CALN1: variants seen among roughly 807,000 people sequenced by gnomAD.
CALN1 encodes the protein calcium-binding protein 8.
CALN1 carries 17 observed loss-of-function variants against 30.6 expected under a neutral mutation model. That is an observed-to-expected ratio of 0.56 (90% CI 0.38 to 0.83). The LOEUF (loss-of-function observed/expected upper bound fraction) is 0.83. CALN1 is among the 40% of genes least tolerant of loss of function. The pLI is 0.00. For synonymous variants in CALN1, 156 were observed against 131.4 expected (o/e 1.19, Z -1.28); for missense variants, 291 against 354.9 (o/e 0.82, Z 1.45).
At chr7:72,440,035 C>T (rs1006746868) in intron 1 of CALN1, among the ~76,000 whole-genome samples, 2 of 152,270 alleles carry the variant, frequency 1.3e-5, no homozygotes, top group East Asian at 1.9e-4. Flanking sequence ...GTATTCTTTT[C>T]GAATTAAATG....
intron 1 of CALN1, among the ~76,000 whole-genome samples, chr7:72,427,671 AT>A (rs1220493454): frequency 2.0e-5 from 3 of 150,982 alleles, no homozygotes; most frequent in Non-Finnish European, 4.4e-5. Context: ...TTTTATTTTT[AT>A]TTTTATTTTT....
chr7:72,281,480 T>A (rs1412549231), intron 2 of CALN1, among the ~76,000 whole-genome samples: 1 of 152,200 alleles, frequency 6.6e-6, no homozygotes, highest in Non-Finnish European at 1.5e-5. Context: ...CACCAGCTGT[T>A]ATCTTAACAT....
At chr7:72,109,478 C>T (rs1435887749) in intron 3 of CALN1, among the ~76,000 whole-genome samples, 1 of 152,212 alleles carries the variant, frequency 6.6e-6, no homozygotes, top group African/African-American at 2.4e-5. Flanking sequence ...TTCAACACCT[C>T]CTCCCCTTTC....
At chr7:72,504,116 C>T in the CALN1 span, among the ~76,000 whole-genome samples, 1 of 152,196 alleles carries the variant, frequency 6.6e-6, no homozygotes, top group Non-Finnish European at 1.5e-5. Context: ...ACTCACATCA[C>T]AGTGACCACA....
chr7:71,904,907 A>G (rs1432253145), intron 5 of CALN1, among the ~76,000 whole-genome samples: 1 of 151,832 alleles, frequency 6.6e-6, no homozygotes, highest in Non-Finnish European at 1.5e-5. Flanking sequence ...TTGGCTTAGA[A>G]TTATATTTTG....
intron 5 of CALN1, among the ~76,000 whole-genome samples, chr7:71,998,008 A>G (rs1351724935): frequency 7.2e-5 from 11 of 151,882 alleles, no homozygotes; most frequent in Admixed American, 7.2e-4. Context: ...TTTAGTAAAG[A>G]TGGAGTTTCA....
intron 5 of CALN1, among the ~76,000 whole-genome samples, chr7:71,874,126 T>A (rs1009436554): frequency 6.6e-6 from 1 of 151,582 alleles, no homozygotes; most frequent in African/African-American, 2.4e-5. Flanking sequence ...AATACAAAAA[T>A]TAGCTGGGCG....
At chr7:72,140,848 C>T (rs1283321430) in intron 3 of CALN1, among the ~76,000 whole-genome samples, 2 of 152,240 alleles carry the variant, frequency 1.3e-5, no homozygotes, top group Non-Finnish European at 2.9e-5. Flanking sequence ...GGAAAGCTGG[C>T]AAGTACATCA....
intron 2 of CALN1, among the ~76,000 whole-genome samples, chr7:72,299,598 T>C (rs1025070987): frequency 2.0e-5 from 3 of 151,106 alleles, no homozygotes; most frequent in African/African-American, 4.9e-5. Flanking sequence ...TTCACAAAAC[T>C]GGAAAGACAA....
At chr7:71,840,571 G>T (rs1031031259) in intron 5 of CALN1, among the ~76,000 whole-genome samples, 11 of 150,116 alleles carry the variant, frequency 7.3e-5, no homozygotes, top group African/African-American at 2.7e-4. Context: ...GTGTGTGGAA[G>T]AAATTGTCCA....
intron 2 of CALN1, among the ~76,000 whole-genome samples, chr7:72,381,648 A>C (rs1330192515): frequency 1.3e-5 from 2 of 152,158 alleles, no homozygotes; most frequent in African/African-American, 2.4e-5. Context: ...GGAGCTGAAT[A>C]ATGAGAACGT....
intron 3 of CALN1, among the ~76,000 whole-genome samples, chr7:72,145,084 A>G (rs545809389): frequency 2.0e-5 from 3 of 152,328 alleles, no homozygotes; most frequent in African/African-American, 7.2e-5. Context: ...GAGCAAACAC[A>G]TTCAAAAGCT....
At position 72,060,998 on chromosome 7, in the gene CALN1, C is replaced by T. The variant is rs534605876; in HGVS notation, c.389-37229G>A. ...ACAACTAACTCAATGGGACAAAATA[C>T]TACACAGCTCCCAGAATGGCCAACG... is the stretch of plus-strand genomic sequence containing the variant. On this transcript the variant is annotated intron_variant, in intron 4 of 6. Coordinates refer to ENST00000395275, the MANE Select transcript of CALN1 (RefSeq NM_031468.4). Among the ~76,000 whole-genome samples the T allele has an allele frequency of 3.7e-4, 56 of 152,336 alleles. 1 individual carries two copies. The South Asian group carries it at 0.011, about 30-fold the overall frequency.
intron 3 of CALN1, among the ~76,000 whole-genome samples, chr7:72,140,561 A>G (rs1477257946): frequency 6.6e-5 from 10 of 152,228 alleles, no homozygotes. Context: ...ACAAGGGCAG[A>G]AGCCCCCTCA....
chr7:71,827,536 C>G (rs1788987119), intron 5 of CALN1, among the ~76,000 whole-genome samples: 1 of 151,918 alleles, frequency 6.6e-6, no homozygotes, highest in Non-Finnish European at 1.5e-5. Flanking sequence ...TTGGGGAGGC[C>G]GAGGTGGGCA....
chr7:72,028,517 C>T lies in CALN1; in HGVS notation c.389-4748G>A, dbSNP rs1187707036. Among the ~76,000 whole-genome samples, 5 of 152,244 alleles carry T rather than the reference C, an allele frequency of 3.3e-5. 1 individual carries two copies. The South Asian group carries it at 8.3e-4, about 25-fold the overall frequency. The stretch of plus-strand genomic sequence containing the variant: ...TCCAAATTGTTGGCCAGAGAAGAAG[C>T]GATGGAGAAGGGCACTCAGGATCCT... On this transcript the variant is annotated intron_variant, in intron 4 of 6. Transcript: ENST00000395275.
chr7:72,256,965 T>C (rs1330837446), intron 3 of CALN1, among the ~76,000 whole-genome samples: 1 of 152,186 alleles, frequency 6.6e-6, no homozygotes. Flanking sequence ...TTCCCCACTG[T>C]ATTAGTTCAT....
chr7:72,464,996 C>G, the CALN1 span, among the ~76,000 whole-genome samples: 1 of 152,154 alleles, frequency 6.6e-6, no homozygotes, highest in African/African-American at 2.4e-5. Context: ...CAGGCACAGC[C>G]TCAGGGTCCC....
intron 5 of CALN1, among the ~76,000 whole-genome samples, chr7:71,815,340 A>C (rs1191489756): frequency 3.3e-5 from 5 of 152,164 alleles, no homozygotes; most frequent in African/African-American, 1.2e-4. Context: ...TGATGTCACA[A>C]GCTTTGGCCA....
Sources: allele counts gnomAD v4.1 joint callset (sites outside exome capture counted in the v4.1 genomes callset), GRCh38; gene constraint gnomAD v4.1.1; transcripts MANE v1.5; gene names NCBI Gene and HGNC (gene_info 2026-07-23, HGNC 2026-07-21).